Variants in SRPK1 observed in about 807,000 individuals in gnomAD.
SRPK1 encodes SRSF protein kinase 1.
In SRPK1, 52 loss-of-function variants were observed where a neutral mutation model predicts 89.5. That is an observed-to-expected ratio of 0.58 (90% confidence interval 0.46 to 0.73). SRPK1 has a LOEUF of 0.73. SRPK1 is among the 30% of genes least tolerant of loss of function. The pLI, the probability that SRPK1 is intolerant of heterozygous loss-of-function variation, is 0.00. For synonymous variants in SRPK1, 255 were observed against 270.2 expected, an observed-to-expected ratio of 0.94 and a Z score of 0.55; for missense variants, 603 against 780.6, an observed-to-expected ratio of 0.77 and a Z score of 2.71.
chr6:35,841,809 C>A (rs903572492), intron 14 of SRPK1, among the ~76,000 whole-genome samples: 1 of 126,626 alleles, frequency 7.9e-6, no homozygotes, highest in Non-Finnish European at 1.5e-5. Flanking sequence ...TCCAGCCTGG[C>A]GACAGAGTGA....
At chr6:35,837,423 C>T (rs935682679) in intron 15 of SRPK1, among the ~76,000 whole-genome samples, 1 of 152,202 alleles carries the variant, frequency 6.6e-6, no homozygotes, top group African/African-American at 2.4e-5. Flanking sequence ...AGGCACTATA[C>T]ATATTAACTG....
chr6:35,872,550 A>G lies in SRPK1; in HGVS notation c.751+13T>C. On this transcript the variant is annotated intron_variant, in intron 8 of 15. Coordinates refer to ENST00000373825, the MANE Select transcript of SRPK1 (RefSeq NM_003137.5). ...ACTTCTAATGATAGCGAAGTCCCTA[A>G]AAGAAAATACACCTGCAGATCCGGA... 1 of 1,584,080 alleles carries G rather than the reference A, an allele frequency of 6.3e-7. No homozygotes were observed. The highest frequency in any genetic ancestry group is 8.5e-7 in the Non-Finnish European group (1 of 1,169,642).
chr6:35,890,819 T>C, intron 3 of SRPK1, 76 bp downstream of exon 3: 7 of 1,329,110 alleles, frequency 5.3e-6, no homozygotes, highest in Non-Finnish European at 7.0e-6. Context: ...GTGTTTATGC[T>C]GATAGATCAA....
intron 3 of SRPK1, 91 bp from the exon 4 acceptor site, chr6:35,889,014 T>C (rs577237682): frequency 1.3e-6 from 1 of 782,942 alleles, no homozygotes; most frequent in Non-Finnish European, 2.2e-6. Flanking sequence ...TTTCAACATC[T>C]ATATACCTTT....
chr6:35,904,563 G>C (rs1257944041), intron 2 of SRPK1, among the ~76,000 whole-genome samples: 1 of 152,144 alleles, frequency 6.6e-6, no homozygotes, highest in Non-Finnish European at 1.5e-5. Context: ...CACTTTGGGA[G>C]GCCGAGGCAG....
intron 12 of SRPK1, among the ~76,000 whole-genome samples, chr6:35,861,210 G>C (rs1241197367): frequency 6.6e-6 from 1 of 152,194 alleles, no homozygotes; most frequent in East Asian, 1.9e-4. Context: ...GAAAGGGTCT[G>C]AGGAAGCTGG....
intron 5 of SRPK1, 87 bp from the exon 6 acceptor site, chr6:35,886,898 A>T (rs1167257456): frequency 1.4e-6 from 1 of 725,550 alleles, no homozygotes; most frequent in East Asian, 2.6e-5. Flanking sequence ...CAGCAAATTA[A>T]CTACAAGAAA....
chr6:35,877,400 A>G (rs75333868), intron 6 of SRPK1, among the ~76,000 whole-genome samples: 2,014 of 152,336 alleles, frequency 0.013, 42 homozygotes, highest in African/African-American at 0.046. Flanking sequence ...CAGGTAGTAA[A>G]ACATATCCAA....
chr6:35,914,190 T>C (rs1404462297), intron 2 of SRPK1, among the ~76,000 whole-genome samples: 1 of 152,034 alleles, frequency 6.6e-6, no homozygotes, highest in East Asian at 1.9e-4. Context: ...TTGATCAGGC[T>C]GGTCTCGAAC....
At chr6:35,866,034 T>A (rs1769890291) in intron 12 of SRPK1, among the ~76,000 whole-genome samples, 1 of 149,754 alleles carries the variant, frequency 6.7e-6, no homozygotes, top group Non-Finnish European at 1.5e-5. Context: ...AACCAAATAA[T>A]CCCATTAAAA....
At chr6:35,886,300 G>T (rs1193822168) in intron 6 of SRPK1, among the ~76,000 whole-genome samples, 1 of 152,028 alleles carries the variant, frequency 6.6e-6, no homozygotes, top group Non-Finnish European at 1.5e-5. Context: ...GGTGGGTCTT[G>T]AACTCCTGAC....
intron 6 of SRPK1, among the ~76,000 whole-genome samples, 159 bp downstream of exon 6, chr6:35,886,565 T>C (rs1362830410): frequency 6.6e-6 from 1 of 152,184 alleles, no homozygotes; most frequent in Non-Finnish European, 1.5e-5. Flanking sequence ...CACACAAAAT[T>C]AGACAAAATT....
intron 2 of SRPK1, among the ~76,000 whole-genome samples, chr6:35,907,662 A>G (rs1770877883): frequency 6.6e-6 from 1 of 151,982 alleles, no homozygotes; most frequent in South Asian, 2.1e-4. Flanking sequence ...CCGAGATTGC[A>G]CCATTGCACT....
At chr6:35,880,300 T>TAGGGTGATGGAAATTATCA (rs1770243578) in intron 6 of SRPK1, among the ~76,000 whole-genome samples, 1 of 151,844 alleles carries the variant, frequency 6.6e-6, no homozygotes, top group Non-Finnish European at 1.5e-5. Flanking sequence ...AACCTGAAGT[T>TAGGGTGATGGAAATTATCA]AGGGTGATGG....
chr6:35,916,529 A>T (rs960889616), intron 2 of SRPK1, among the ~76,000 whole-genome samples: 4 of 150,638 alleles, frequency 2.7e-5, no homozygotes, highest in African/African-American at 9.7e-5. Context: ...TCTCTTGTAA[A>T]TTTTTTTTTT....
chr6:35,857,232 A>T lies in SRPK1; in HGVS notation c.1620+29T>A, dbSNP rs764836885. ...CAGGGCAAGATATGTACCACTTAAC[A>T]AGTGAAAGCCAAGGGGAAAAAACAT... On this transcript the variant is annotated intron_variant, in intron 13 of 15. Transcript: ENST00000373825. 2.6e-6 allele frequency: 4 copies of T among 1,537,906 alleles called. No homozygotes were observed. In the East Asian group the frequency reaches 6.8e-5, roughly 26 times the overall value.
intron 2 of SRPK1, among the ~76,000 whole-genome samples, chr6:35,903,968 G>A (rs555682270): frequency 6.9e-4 from 104 of 151,166 alleles, no homozygotes; most frequent in African/African-American, 2.3e-3. Context: ...AACACCCAGC[G>A]AATTTTTTTT....
At chr6:35,878,936 C>T (rs994563685) in intron 6 of SRPK1, among the ~76,000 whole-genome samples, 30 of 151,892 alleles carry the variant, frequency 2.0e-4, no homozygotes, top group Admixed American at 1.5e-3. Context: ...ATTAAAATTA[C>T]GAAAATTAGC....
chr6:35,870,588 A>T, intron 9 of SRPK1, 94 bp from the exon 10 acceptor site: 1 of 1,173,110 alleles, frequency 8.5e-7, no homozygotes, highest in Non-Finnish European at 1.2e-6. Context: ...TTCCTAATTA[A>T]ATTTCACAAA....
Sources: gnomAD v4.1 joint callset for allele counts (sites outside exome capture counted in the v4.1 genomes callset) on GRCh38, gnomAD v4.1.1 for gene constraint, MANE v1.5 for transcripts, NCBI Gene and HGNC (gene_info 2026-07-23, HGNC 2026-07-21) for gene names.